The following KHDC4 variants were observed in gnomAD, a reference collection of about 807,000 sequenced individuals.
KHDC4 encodes KH domain containing 4, pre-mRNA splicing factor.
KHDC4 carries 19 observed loss-of-function variants against 74.5 expected under a neutral mutation model. The observed-to-expected ratio is 0.26, with a 90% CI of 0.18 to 0.37. The LOEUF is 0.37. KHDC4 is among the 10% of genes least tolerant of loss of function. The pLI is 1.00. For missense variants in KHDC4, 632 were observed against 754.1 expected (o/e 0.84, Z 1.90); for synonymous variants, 253 against 266.1 (o/e 0.95, Z 0.48).
intron 10 of KHDC4, among the ~76,000 whole-genome samples, chr1:155,919,638 A>C (rs1673810360): frequency 6.6e-6 from 1 of 151,866 alleles, no homozygotes; most frequent in Non-Finnish European, 1.5e-5. Flanking sequence ...GTGAAACCCC[A>C]TCTCCACTAA....
chr1:155,914,372 A>T, intron 13 of KHDC4, 52 bp from the exon 14 acceptor site: 2 of 1,351,632 alleles, frequency 1.5e-6, no homozygotes, highest in Non-Finnish European at 2.1e-6. Context: ...GGGAAAAAAA[A>T]AAATACCATA....
chr1:155,919,968 G>A (rs776430798), intron 10 of KHDC4: 1 of 517,660 alleles, frequency 1.9e-6, no homozygotes, highest in African/African-American at 1.9e-5. Context: ...GCAATGGTTC[G>A]AGGCTGCCAT....
intron 10 of KHDC4, 62 bp downstream of exon 10, chr1:155,921,313 C>A: frequency 6.4e-7 from 1 of 1,558,382 alleles, no homozygotes; most frequent in South Asian, 1.1e-5. Context: ...ACCACTACTT[C>A]CCCTCTTTCC....
At chr1:155,934,292 G>C (rs371010158) in intron 1 of KHDC4, 44 bp downstream of exon 1, 57 of 1,597,060 alleles carry the variant, frequency 3.6e-5, no homozygotes, top group Non-Finnish European at 4.9e-5. Flanking sequence ...CGCCTCTCCT[G>C]CGCCCCAGTG....
At chr1:155,917,284 C>T (rs947658248) in intron 11 of KHDC4, among the ~76,000 whole-genome samples, 1 of 152,040 alleles carries the variant, frequency 6.6e-6, no homozygotes, top group Non-Finnish European at 1.5e-5. Flanking sequence ...AAACCACATA[C>T]TGGTAGATCA....
chr1:155,916,702 GCCTGT>G lies in KHDC4; in HGVS notation c.1471_1475del (p.Thr491LeufsTer6). ...CTTCAATCTCATTCTGACTGGAGAA[GCCTGT>G]ACCTAAATTAGTCATATGAATGGGT... On this transcript the variant is annotated frameshift_variant, in exon 12 of 14. Coordinates refer to ENST00000368321, the MANE Select transcript of KHDC4 (RefSeq NM_014949.4). LOFTEE classifies it high-confidence loss of function. 1 of 1,613,940 alleles carries G rather than the reference GCCTGT, an allele frequency of 6.2e-7. No individual in the cohort carries two copies.
At position 155,917,615 on chromosome 1, in the gene KHDC4, C is replaced by T; in HGVS notation, c.1324G>A (p.Gly442Ser). The T allele has an allele frequency of 6.2e-7, 1 of 1,600,726 alleles. No homozygotes were observed. Among genetic ancestry groups the T allele is most frequent in the Non-Finnish European group, 8.5e-7 (1 of 1,174,430 alleles). Residue 442 changes from glycine to serine, a missense_variant, in exon 11 of 14, where the codon GGC (glycine) becomes AGC (serine). Gly to Ser is a moderately conservative substitution (Grantham distance 56). Transcript: ENST00000368321. ...AAPVKTALPA[G>S]PQPQPQPQPP... ...TGGGGCTGGGGCTGGGGCTGGGGGC[C>T]AGCAGGCAAGGCAGTTTTGACAGGA...
At chr1:155,918,014 T>C (rs1012111651) in intron 10 of KHDC4, among the ~76,000 whole-genome samples, 3 of 152,222 alleles carry the variant, frequency 2.0e-5, no homozygotes, top group Non-Finnish European at 4.4e-5. Flanking sequence ...CTTTCTGTTA[T>C]TTATAAATGC....
Position 155,926,661 on chromosome 1 carries a change from C to G in KHDC4, c.681+15G>C, listed in dbSNP as rs1413276291. The stretch of plus-strand genomic sequence containing the variant: ...GAAATGATAATGCTATTAACGATCC[C>G]TCCCCAAAACATACCCCTGACTGGA... On this transcript the variant is annotated intron_variant, in intron 6 of 13. Coordinates refer to ENST00000368321, the MANE Select transcript of KHDC4 (RefSeq NM_014949.4). 3.1e-6 allele frequency: 5 copies of G among 1,613,456 alleles called. No homozygotes were observed. In the South Asian group the frequency reaches 4.4e-5, roughly 14 times the overall value.
chr1:155,914,293 G>C lies in KHDC4; in HGVS notation c.1673C>G (p.Thr558Arg). The C allele has an allele frequency of 6.2e-7, 1 of 1,612,968 alleles. No homozygotes were observed. Among genetic ancestry groups the C allele is most frequent in the Non-Finnish European group, 8.5e-7 (1 of 1,179,740 alleles). ...HDYPAKKMKT[T>R]EKGFGLVAYA... Reference sequence around the variant, plus strand: ...AGCCACCAAGCCAAATCCCTTCTCTGTAGTTTTCATCTTCTTGGCTGGATA... The same window carrying C: ...AGCCACCAAGCCAAATCCCTTCTCTCTAGTTTTCATCTTCTTGGCTGGATA... Residue 558 changes from threonine (T) to arginine (R), a missense_variant, in exon 14 of 14, where the codon ACA (threonine) becomes AGA (arginine). Coordinates refer to ENST00000368321, the MANE Select transcript of KHDC4 (RefSeq NM_014949.4).
At position 155,917,608 on chromosome 1, in the gene KHDC4, TGGGGGC is replaced by T; in HGVS notation, c.1325_1330del (p.Gly442_Gln444delinsGlu). 1 of 1,449,038 alleles carries T rather than the reference TGGGGGC, an allele frequency of 6.9e-7. No individual in the cohort carries two copies. The highest frequency in any genetic ancestry group is 9.3e-7 in the Non-Finnish European group (1 of 1,077,144). 89.8% of individuals were successfully genotyped at this position (1,449,038 alleles called of 1,614,324 possible). A position where few individuals can be genotyped will look rare whatever the true frequency, so the allele number is the denominator to read the frequency against. On this transcript the variant is annotated inframe_deletion, in exon 11 of 14. Coordinates refer to ENST00000368321, the MANE Select transcript of KHDC4 (RefSeq NM_014949.4). ...TGGGGGCTGGGGCTGGGGCTGGGGC[TGGGGGC>T]CAGCAGGCAAGGCAGTTTTGACAGG... is the stretch of plus-strand genomic sequence containing the variant.
intron 4 of KHDC4, among the ~76,000 whole-genome samples, chr1:155,928,512 A>T (rs1042665337): frequency 1.3e-4 from 19 of 151,718 alleles, no homozygotes; most frequent in African/African-American, 4.6e-4. Context: ...AGAGAAACTC[A>T]AACACGGAAT....
chr1:155,923,569 G>C, intron 8 of KHDC4, 58 bp downstream of exon 8: 2 of 1,276,622 alleles, frequency 1.6e-6, no homozygotes, highest in Non-Finnish European at 2.3e-6. Flanking sequence ...AAACAGCTAA[G>C]ACATACTCCA....
At chr1:155,924,369 T>C (rs151131339) in intron 7 of KHDC4, among the ~76,000 whole-genome samples, 1,950 of 151,802 alleles carry the variant, frequency 0.013, 20 homozygotes, top group Non-Finnish European at 0.023. Context: ...CCACCATGCC[T>C]GGCTAATTTT....
In KHDC4 at chr1:155,921,883, A is replaced by C; in HGVS notation, c.990T>G (p.Ile330Met). 6.2e-7 allele frequency: 1 copy of C among 1,608,528 alleles called. No individual in the cohort carries two copies. Among genetic ancestry groups the C allele is most frequent in the Non-Finnish European group, 8.5e-7 (1 of 1,176,208 alleles). ...HAEYSRFVNQ[I>M]NTAVPLPGYT... ...CACCTGGTAAAGGTACAGCAGTATTAATCTGATTCACAAATCTAGAGTATT... is the reference window on the plus strand; with the variant it reads ...CACCTGGTAAAGGTACAGCAGTATTCATCTGATTCACAAATCTAGAGTATT... Residue 330 changes from isoleucine to methionine, a missense_variant, in exon 9 of 14, where the codon ATT becomes ATG. By Grantham distance (10) the Ile-to-Met change is conservative. Transcript: ENST00000368321.
At chr1:155,922,697 T>G (rs890659141) in intron 8 of KHDC4, among the ~76,000 whole-genome samples, 1 of 152,180 alleles carries the variant, frequency 6.6e-6, no homozygotes, top group African/African-American at 2.4e-5. Context: ...TTCCTCATAC[T>G]TCCTTCCTAT....
At chr1:155,928,920 A>G (rs1337334044) in intron 4 of KHDC4, among the ~76,000 whole-genome samples, 1 of 149,678 alleles carries the variant, frequency 6.7e-6, no homozygotes, top group African/African-American at 2.5e-5. Context: ...CCACTGCACT[A>G]TAGCCTGGGC....
chr1:155,929,736 C>A lies in KHDC4; in HGVS notation c.360G>T (p.Leu120=). The change falls in exon 3 of 14, where the codon CTG becomes CTT. Residue 120 remains leucine (L), a synonymous_variant. Coordinates refer to ENST00000368321, the MANE Select transcript of KHDC4 (RefSeq NM_014949.4). The part of the protein sequence containing the change: ...NDVPLTCRNL[L]TRGQTQDEIS... ...CCTCGTCTTGAGTCTGTCCTCGAGT[C>A]AGCAAGTTCCTACATGTGAGAGGCA... is the stretch of plus-strand genomic sequence containing the variant. 6.2e-7 allele frequency: 1 copy of A among 1,611,888 alleles called. No homozygotes were observed. The highest frequency in any genetic ancestry group is 1.1e-5 in the South Asian group (1 of 90,600).
At chr1:155,928,193 G>A (rs1042586917) in intron 4 of KHDC4, among the ~76,000 whole-genome samples, 2 of 152,144 alleles carry the variant, frequency 1.3e-5, no homozygotes, top group South Asian at 2.1e-4. Flanking sequence ...GTCCAACATC[G>A]TGAAACCCCA....
Sources: gnomAD v4.1 joint callset for allele counts (sites outside exome capture counted in the v4.1 genomes callset) on GRCh38, gnomAD v4.1.1 for gene constraint, MANE v1.5 for transcripts, NCBI Gene and HGNC (gene_info 2026-07-23, HGNC 2026-07-21) for gene names.